Variants in KCNQ1 observed in about 807,000 individuals in gnomAD.
KCNQ1 encodes potassium voltage-gated channel subfamily Q member 1, also known as potassium voltage-gated channel subfamily KQT member 1.
KCNQ1 carries 49 observed loss-of-function variants against 72.4 expected under a neutral mutation model. That is an observed-to-expected ratio of 0.68 (90% CI 0.54 to 0.86). The LOEUF (loss-of-function observed/expected upper bound fraction) is 0.86. Ranked by LOEUF, KCNQ1 falls within the 40% of genes least tolerant of loss-of-function variation. The pLI is 0.00. For missense variants in KCNQ1, 790 were observed against 945.1 expected, an observed-to-expected ratio of 0.84 and a Z score of 2.15; for synonymous variants, 450 against 412.6, an observed-to-expected ratio of 1.09 and a Z score of -1.10.
rs897312604 is a variant in KCNQ1 at position 2,818,237 on chromosome 11, G to A, written c.1795-29530G>A. On this transcript the variant is annotated intron_variant, in intron 15 of 15. Transcript: ENST00000155840. This position sits in a 1 kb window ranked among gnomAD's most constrained non-coding sequence, Gnocchi z 7.2. ...TGTCAGGTGACCCAAGAGTGTGGGG[G>A]TCAGGAATGGCGTCCTTGTGCCCTT... Among the ~76,000 whole-genome samples, 2 of 152,140 alleles carry A rather than the reference G, an allele frequency of 1.3e-5. No individual in the cohort carries two copies. Among genetic ancestry groups the A allele is most frequent in the East Asian group, 1.9e-4 (1 of 5,184 alleles).
chr11:2,680,227 AG>A (rs1367370658), intron 11 of KCNQ1: 33 of 382,460 alleles, frequency 8.6e-5, no homozygotes, highest in African/African-American at 7.0e-4. Context: ...AAAAAAAAAA[AG>A]TTGTCTATCT....
intron 12 of KCNQ1, among the ~76,000 whole-genome samples, chr11:2,770,734 C>T (rs1024253788): frequency 7.2e-5 from 11 of 152,260 alleles, no homozygotes; most frequent in Admixed American, 6.5e-4. Context: ...CTGACAGCCC[C>T]TGTGGACCAG....
At chr11:2,719,942 C>G (rs183814989) in intron 11 of KCNQ1, among the ~76,000 whole-genome samples, 1 of 152,244 alleles carries the variant, frequency 6.6e-6, no homozygotes, top group Non-Finnish European at 1.5e-5. Flanking sequence ...GCTAGGTCAG[C>G]GAACCACTCA....
chr11:2,658,994 T>G lies in KCNQ1; in HGVS notation c.1394-2967T>G, dbSNP rs969150842. ...GAGTGTCCAGTCAAAACAGTGTTTT[T>G]GAAAGCAACATATGCCAGCTCCTCC... On this transcript the variant is annotated intron_variant, in intron 10 of 15. Coordinates refer to ENST00000155840, the MANE Select transcript of KCNQ1 (RefSeq NM_000218.3). The surrounding 1 kb of genome is among the most constrained non-coding windows in gnomAD (Gnocchi z 4.9). 3 of 398,524 alleles carry G rather than the reference T, an allele frequency of 7.5e-6. No individual in the cohort carries two copies. In the East Asian group the frequency reaches 1.1e-4, roughly 14 times the overall value. The allele number at this position is 398,524 out of a possible 1,614,324, so 24.7% of individuals were successfully genotyped here.
rs1290894539 is a variant in KCNQ1, at chr11:2,803,272, G to A, written c.1794+25235G>A. Among the ~76,000 whole-genome samples the A allele has an allele frequency of 6.6e-6, 1 of 152,208 alleles. No homozygotes were observed. The highest frequency in any genetic ancestry group is 6.5e-5 in the Admixed American group (1 of 15,288). On this transcript the variant is annotated intron_variant, in intron 15 of 15. Coordinates refer to ENST00000155840, the MANE Select transcript of KCNQ1 (RefSeq NM_000218.3). The surrounding 1 kb of genome is among the most constrained non-coding windows in gnomAD (Gnocchi z 6.4). ...CCTCCCAAGGACTCGCCCCTAGTCA[G>A]GAAAAAATAGGGCCCCGGAGTCAGC...
At chr11:2,605,929 T>C (rs1184810522) in intron 10 of KCNQ1, among the ~76,000 whole-genome samples, 1 of 152,188 alleles carries the variant, frequency 6.6e-6, no homozygotes, top group Admixed American at 6.5e-5. Flanking sequence ...TGTCTGTCCA[T>C]TTATTTGTAT....
chr11:2,617,949 T>G lies in KCNQ1; in HGVS notation c.1393+29095T>G. 2.5e-6 allele frequency: 1 copy of G among 398,588 alleles called. No homozygotes were observed. Among genetic ancestry groups the G allele is most frequent in the Non-Finnish European group, 4.4e-6 (1 of 226,042 alleles). The allele number at this position is 398,588 out of a possible 1,614,324, so 24.7% of individuals were successfully genotyped here. A position where few individuals can be genotyped will look rare whatever the true frequency, so the allele number is the denominator to read the frequency against. ...TTGGATATTATCCTCTTATAAGATA[T>G]ATGGTTGGCAAATATTTTCTTCTAG... On this transcript the variant is annotated intron_variant, in intron 10 of 15. Transcript: ENST00000155840. This position sits in a 1 kb window ranked among gnomAD's most constrained non-coding sequence, Gnocchi z 4.6.
intron 11 of KCNQ1, among the ~76,000 whole-genome samples, chr11:2,761,412 C>T (rs886210803): frequency 2.0e-4 from 30 of 152,116 alleles, no homozygotes; most frequent in Admixed American, 1.8e-3. Context: ...ACTAAGGTCT[C>T]GAGATCTTTA....
chr11:2,750,940 G>A lies in KCNQ1; in HGVS notation c.1515-17904G>A, dbSNP rs1170401151. Among the ~76,000 whole-genome samples the A allele has an allele frequency of 6.6e-6, 1 of 152,032 alleles. No individual in the cohort carries two copies. The highest frequency in any genetic ancestry group is 1.5e-5 in the Non-Finnish European group (1 of 68,010). On this transcript the variant is annotated intron_variant, in intron 11 of 15. Transcript: ENST00000155840. The surrounding 1 kb of genome is among the most constrained non-coding windows in gnomAD (Gnocchi z 6.3). ...AGCTGCCTGCCTACACCCCAACCTC[G>A]AGGCTCTTTACCTCTGTCTGTGCAC...
chr11:2,774,088 T>G (rs1049995747), intron 12 of KCNQ1, among the ~76,000 whole-genome samples: 3 of 152,098 alleles, frequency 2.0e-5, no homozygotes, highest in South Asian at 2.1e-4. Flanking sequence ...TATCTCCATC[T>G]TATAGGAAGG....
intron 15 of KCNQ1, among the ~76,000 whole-genome samples, chr11:2,838,415 G>A (rs997674998): frequency 4.6e-5 from 7 of 152,028 alleles, no homozygotes; most frequent in African/African-American, 7.2e-5. Flanking sequence ...GGTTGTGAGC[G>A]GACTCTGGCA....
In KCNQ1 at chr11:2,661,721, C is replaced by T. The variant is rs1849959321; in HGVS notation, c.1394-240C>T. 1.1e-5 allele frequency: 7 copies of T among 612,936 alleles called. No homozygotes were observed. In the Admixed American group the frequency reaches 1.3e-4, roughly 12 times the overall value. 38.0% of individuals were successfully genotyped at this position (612,936 alleles called of 1,614,324 possible). On this transcript the variant is annotated intron_variant, in intron 10 of 15. Transcript: ENST00000155840. The surrounding 1 kb of genome is among the most constrained non-coding windows in gnomAD (Gnocchi z 5.9). ...CTGAGCACAGCCCCAGGCACAGTTA[C>T]CACTCCGAAGATGATTCACTGGCCT...
At chr11:2,619,190 G>T (rs77402029) in intron 10 of KCNQ1, 12,226 of 398,276 alleles carry the variant, frequency 0.031, 635 homozygotes, top group African/African-American at 0.14. Flanking sequence ...CTGTTTGGTT[G>T]TACTAGTACT....
rs1365798000 is a variant in KCNQ1, at chr11:2,720,190, C to T, written c.1515-48654C>T. 6.6e-6 allele frequency among the ~76,000 whole-genome samples: 1 copy of T among 152,188 alleles called. No individual in the cohort carries two copies. Among genetic ancestry groups the T allele is most frequent in the Non-Finnish European group, 1.5e-5 (1 of 68,030 alleles). On this transcript the variant is annotated intron_variant, in intron 11 of 15. Coordinates refer to ENST00000155840, the MANE Select transcript of KCNQ1 (RefSeq NM_000218.3). This position sits in a 1 kb window ranked among gnomAD's most constrained non-coding sequence, Gnocchi z 5.1. ...TAGACAGCACAGTCTTCCAAATGGA[C>T]TGTGGGCATGATGGATGTGTAAAGA...
intron 2 of KCNQ1, among the ~76,000 whole-genome samples, chr11:2,529,946 C>T (rs1265318019): frequency 1.3e-5 from 2 of 152,158 alleles, no homozygotes; most frequent in East Asian, 1.9e-4. Flanking sequence ...GTCTTTCCTG[C>T]TTCTGTGAGG....
intron 1 of KCNQ1, among the ~76,000 whole-genome samples, chr11:2,504,006 C>T (rs1847060339): frequency 6.6e-6 from 1 of 152,168 alleles, no homozygotes; most frequent in South Asian, 2.1e-4. Context: ...AAAATCAGTC[C>T]AGCAGAGAAG....
rs1486295491 is a variant in KCNQ1 at position 2,748,737 on chromosome 11, A to T, written c.1515-20107A>T. On this transcript the variant is annotated intron_variant, in intron 11 of 15. Transcript: ENST00000155840. This position sits in a 1 kb window ranked among gnomAD's most constrained non-coding sequence, Gnocchi z 6.2. ...GCCCCTCCCTCTGGGCCTCAAGACC[A>T]TCTGTCACGTGACAGGGGCAGGCTA... 5.9e-5 allele frequency among the ~76,000 whole-genome samples: 9 copies of T among 152,326 alleles called. No homozygotes were observed. The highest frequency in any genetic ancestry group is 5.9e-4 in the Admixed American group (9 of 15,302).
chr11:2,778,623 C>T (rs1048992431), intron 15 of KCNQ1, among the ~76,000 whole-genome samples: 5 of 135,772 alleles, frequency 3.7e-5, no homozygotes, highest in African/African-American at 8.2e-5. Context: ...TGGGAGCTGC[C>T]GGGGGATCTG....
At chr11:2,829,930 C>A (rs1847907381) in intron 15 of KCNQ1, among the ~76,000 whole-genome samples, 1 of 103,284 alleles carries the variant, frequency 9.7e-6, no homozygotes, top group Non-Finnish European at 1.9e-5. Flanking sequence ...CTGCCAATAC[C>A]CTGGTGGGGA....
Sources: gnomAD v4.1 joint callset for allele counts (sites outside exome capture counted in the v4.1 genomes callset) on GRCh38, gnomAD v4.1.1 for gene constraint, Gnocchi (gnomAD v3.1) non-coding constraint, MANE v1.5 for transcripts, NCBI Gene and HGNC (gene_info 2026-07-23, HGNC 2026-07-21) for gene names.